Variants in TSPAN18 observed in about 807,000 individuals in gnomAD.
TSPAN18 encodes tetraspanin 18.
In TSPAN18, 14 loss-of-function variants were observed where a neutral mutation model predicts 27.3. That is an observed-to-expected ratio of 0.51 (90% CI 0.34 to 0.80). TSPAN18 has a LOEUF of 0.80. Ranked by LOEUF, TSPAN18 falls within the 30% of genes least tolerant of loss-of-function variation. TSPAN18 has a pLI of 0.01. For synonymous variants in TSPAN18, 143 were observed against 136.5 expected (o/e 1.05, Z -0.33); for missense variants, 268 against 323.9 (o/e 0.83, Z 1.32).
intron 2 of TSPAN18, among the ~76,000 whole-genome samples, chr11:44,823,224 G>C (rs1305137633): frequency 1.3e-5 from 2 of 152,192 alleles, no homozygotes; most frequent in Non-Finnish European, 1.5e-5. Context: ...CACTCGGCCT[G>C]CTTGCGTTAT....
chr11:44,844,981 G>A (rs1444083288), intron 2 of TSPAN18, among the ~76,000 whole-genome samples: 2 of 152,200 alleles, frequency 1.3e-5, no homozygotes, highest in African/African-American at 4.8e-5. Context: ...GGATTGGAAT[G>A]TGGTGTTTGG....
intron 3 of TSPAN18, chr11:44,903,962 C>T (rs954057959): frequency 7.0e-5 from 31 of 439,904 alleles, no homozygotes; most frequent in Middle Eastern, 3.5e-4. Context: ...AGTATCAGGA[C>T]GGAGCTGGCA....
chr11:44,835,634 C>T (rs1388708152), intron 2 of TSPAN18, among the ~76,000 whole-genome samples: 4 of 131,516 alleles, frequency 3.0e-5, no homozygotes, highest in South Asian at 2.7e-4. Flanking sequence ...CTGTGGGGGG[C>T]GGGGGGATAG....
At chr11:44,804,195 C>G (rs575152002) in intron 2 of TSPAN18, among the ~76,000 whole-genome samples, 1 of 152,198 alleles carries the variant, frequency 6.6e-6, no homozygotes, top group African/African-American at 2.4e-5. Flanking sequence ...CCTCCACCTC[C>G]CGGGTTCAAG....
chr11:44,757,882 T>C (rs770125092), intron 1 of TSPAN18, among the ~76,000 whole-genome samples: 4 of 152,370 alleles, frequency 2.6e-5, no homozygotes, highest in Admixed American at 1.3e-4. Flanking sequence ...TTGTGAGATA[T>C]ATGATTTGCA....
chr11:44,782,545 CAAA>C (rs71038822), intron 2 of TSPAN18, among the ~76,000 whole-genome samples: 8 of 110,678 alleles, frequency 7.2e-5, no homozygotes, highest in Non-Finnish European at 9.4e-5. Context: ...TCCGTCTCCA[CAAA>C]AAAAAAAAAA....
In TSPAN18 at chr11:44,929,180, G is replaced by C; in HGVS notation, c.*2G>C. 1 of 1,613,584 alleles carries C rather than the reference G, an allele frequency of 6.2e-7. No homozygotes were observed. Among genetic ancestry groups the C allele is most frequent in the Non-Finnish European group, 8.5e-7 (1 of 1,180,020 alleles). On this transcript the variant is annotated 3_prime_UTR_variant, in exon 10 of 10. Coordinates refer to ENST00000520358, the MANE Select transcript of TSPAN18 (RefSeq NM_130783.5). ...TGCCTCTTCCGGGGCATCCAGTAGA[G>C]GGTATGGCCTGAAGCCTGAAGACTC...
At chr11:44,791,567 A>C in intron 2 of TSPAN18, among the ~76,000 whole-genome samples, 1 of 152,144 alleles carries the variant, frequency 6.6e-6, no homozygotes, top group East Asian at 1.9e-4. Flanking sequence ...TCTCCTGGGC[A>C]CTGGGAGGCA....
chr11:44,908,778 A>AGAAAG lies in TSPAN18; in HGVS notation c.64-926_64-922dup, dbSNP rs1564992637. Among the ~76,000 whole-genome samples the AGAAAG allele has an allele frequency of 1.3e-4, 15 of 112,398 alleles. 3 individuals are homozygous for AGAAAG. Among genetic ancestry groups the AGAAAG allele is most frequent in the African/African-American group, 6.0e-4 (15 of 25,182 alleles). 73.7% of individuals were successfully genotyped at this position (112,398 alleles called of 152,430 possible). On this transcript the variant is annotated intron_variant, in intron 4 of 9. Coordinates refer to ENST00000520358, the MANE Select transcript of TSPAN18 (RefSeq NM_130783.5). ...AGAGAGAGAGAGAAAGGAGAAAGAA[A>AGAAAG]GAAAGAAAGAAAGAAAGAAAGAAAG...
At chr11:44,753,739 C>T (rs905088970) in intron 1 of TSPAN18, among the ~76,000 whole-genome samples, 1 of 152,104 alleles carries the variant, frequency 6.6e-6, no homozygotes, top group South Asian at 2.1e-4. Flanking sequence ...TTTTAAGAAG[C>T]CTGGCTTTCG....
intron 2 of TSPAN18, among the ~76,000 whole-genome samples, chr11:44,846,747 A>G (rs937378230): frequency 5.3e-5 from 8 of 152,208 alleles, no homozygotes; most frequent in Non-Finnish European, 1.0e-4. Flanking sequence ...CAGCCTCTCC[A>G]GGTAGGAAGG....
rs368809719 is a variant in TSPAN18, at chr11:44,817,742, G to A, written c.-152-42586G>A. On this transcript the variant is annotated intron_variant, in intron 2 of 9. Transcript: ENST00000520358. ...GACTCATTGTTTTATGGAGAGGGAA[G>A]ACTTGGGAACCCTAATTCAACATGC... 4.6e-5 allele frequency among the ~76,000 whole-genome samples: 7 copies of A among 152,376 alleles called. No individual in the cohort carries two copies. In the South Asian group the frequency reaches 1.0e-3, roughly 23 times the overall value.
intron 2 of TSPAN18, among the ~76,000 whole-genome samples, chr11:44,791,748 A>T (rs1238138803): frequency 6.6e-6 from 1 of 152,224 alleles, no homozygotes; most frequent in East Asian, 1.9e-4. Flanking sequence ...GAGAGGGCTC[A>T]CGGAGGGCTC....
chr11:44,919,589 G>C (rs76044482), intron 7 of TSPAN18: 1 of 610,080 alleles, frequency 1.6e-6, no homozygotes, highest in Non-Finnish European at 2.9e-6. Flanking sequence ...ATGGCTAAGC[G>C]CCTGGTGAGG....
chr11:44,809,150 G>A (rs1407932757), intron 2 of TSPAN18, among the ~76,000 whole-genome samples: 1 of 152,178 alleles, frequency 6.6e-6, no homozygotes, highest in Non-Finnish European at 1.5e-5. Context: ...CAGCCCATCT[G>A]TGGTGGAAGC....
intron 2 of TSPAN18, among the ~76,000 whole-genome samples, chr11:44,771,448 C>T (rs1855687894): frequency 6.6e-6 from 1 of 152,182 alleles, no homozygotes; most frequent in African/African-American, 2.4e-5. Flanking sequence ...CATGTAGTGC[C>T]TGAGCTGGAG....
At chr11:44,829,758 A>T (rs1029933224) in intron 2 of TSPAN18, among the ~76,000 whole-genome samples, 2 of 152,258 alleles carry the variant, frequency 1.3e-5, no homozygotes, top group East Asian at 3.9e-4. Flanking sequence ...AGAAGCTGCT[A>T]AACTCTCTTC....
rs1416042574 is a variant in TSPAN18 at position 44,792,965 on chromosome 11, G to A, written c.-153+28453G>A. On this transcript the variant is annotated intron_variant, in intron 2 of 9. Coordinates refer to ENST00000520358, the MANE Select transcript of TSPAN18 (RefSeq NM_130783.5). ...GGCGTCTCGTGTGACTCAAAGTCAA[G>A]TTGTCCCAGAAACAGACCCTGAGAT... 2.0e-5 allele frequency among the ~76,000 whole-genome samples: 3 copies of A among 152,146 alleles called. No individual in the cohort carries two copies. In the East Asian group the frequency reaches 5.8e-4, roughly 29 times the overall value.
At chr11:44,826,956 C>T in intron 2 of TSPAN18, among the ~76,000 whole-genome samples, 1 of 152,172 alleles carries the variant, frequency 6.6e-6, no homozygotes, top group Non-Finnish European at 1.5e-5. Flanking sequence ...TGATTGGGGG[C>T]AGGAGGGACT....
Sources: gnomAD v4.1 joint callset for allele counts (sites outside exome capture counted in the v4.1 genomes callset) on GRCh38, gnomAD v4.1.1 for gene constraint, MANE v1.5 for transcripts, NCBI Gene and HGNC (gene_info 2026-07-23, HGNC 2026-07-21) for gene names.